The following LUZP2 variants were observed in gnomAD, a reference collection of about 807,000 sequenced individuals.
LUZP2 encodes leucine zipper protein 2.
Under a neutral mutation model 51.6 loss-of-function variants are expected in LUZP2, and 52 were observed. That is an observed-to-expected ratio of 1.01 (90% CI 0.81 to 1.27). The LOEUF is 1.27. Among genes scored for constraint, LUZP2 ranks in the 50% most tolerant of loss-of-function variants. The pLI is 0.00. For synonymous variants in LUZP2, 154 were observed against 137.3 expected (o/e 1.12, Z -0.85); for missense variants, 436 against 395.4 (o/e 1.10, Z -0.87).
chr11:24,618,832 T>A (rs1302624791), intron 1 of LUZP2, among the ~76,000 whole-genome samples: 2 of 152,098 alleles, frequency 1.3e-5, no homozygotes, highest in African/African-American at 4.8e-5. Context: ...GGAAACGGAA[T>A]ACGCCTAATT....
chr11:24,601,054 T>C (rs1853617702), intron 1 of LUZP2, among the ~76,000 whole-genome samples: 1 of 152,076 alleles, frequency 6.6e-6, no homozygotes, highest in Non-Finnish European at 1.5e-5. Context: ...ACCTTTCTCT[T>C]AGATGAAAAG....
At chr11:25,027,833 G>C (rs1565249677) in intron 9 of LUZP2, among the ~76,000 whole-genome samples, 1 of 148,232 alleles carries the variant, frequency 6.7e-6, no homozygotes, top group Non-Finnish European at 1.5e-5. Context: ...TCACGCCACT[G>C]CACTCCAGCC....
At position 24,715,309 on chromosome 11, in the gene LUZP2, A is replaced by G. The variant is rs866914538; in HGVS notation, c.63-13860A>G. 5.7e-3 allele frequency among the ~76,000 whole-genome samples: 146 copies of G among 25,516 alleles called. 2 individuals carry two copies. In the South Asian group the frequency reaches 0.077, roughly 13 times the overall value. 16.7% of individuals were successfully genotyped at this position (25,516 alleles called of 152,430 possible). On this transcript the variant is annotated intron_variant, in intron 1 of 11. Coordinates refer to ENST00000336930, the MANE Select transcript of LUZP2 (RefSeq NM_001009909.4). ...TGTGTGTGTGTGTGTGTGTGTGTGCATGCGTATTTCTAAATATATCTTGGT... is the reference window on the plus strand; with the variant it reads ...TGTGTGTGTGTGTGTGTGTGTGTGCGTGCGTATTTCTAAATATATCTTGGT...
intron 5 of LUZP2, among the ~76,000 whole-genome samples, chr11:24,877,774 T>C (rs1208003741): frequency 2.0e-5 from 3 of 152,266 alleles, no homozygotes; most frequent in Middle Eastern, 6.8e-3. Context: ...CTTCTCAGGC[T>C]GTGGTAAGCA....
rs1231096818 is a variant in LUZP2, at chr11:24,759,781, G to A, written c.334-3465G>A. Among the ~76,000 whole-genome samples, 15 of 152,248 alleles carry A rather than the reference G, an allele frequency of 9.9e-5. No individual in the cohort carries two copies. The East Asian group carries it at 1.7e-3, about 18-fold the overall frequency. ...GGGGATGCACTGTTACTCTGCATACGTGTTTAATTTTGAATGGGGTTAGGT... is the reference window on the plus strand; with the variant it reads ...GGGGATGCACTGTTACTCTGCATACATGTTTAATTTTGAATGGGGTTAGGT... On this transcript the variant is annotated intron_variant, in intron 4 of 11. Coordinates refer to ENST00000336930, the MANE Select transcript of LUZP2 (RefSeq NM_001009909.4).
intron 9 of LUZP2, among the ~76,000 whole-genome samples, chr11:25,007,115 G>A (rs1856852614): frequency 6.6e-6 from 1 of 152,104 alleles, no homozygotes; most frequent in African/African-American, 2.4e-5. Context: ...GCTGATTGGT[G>A]CATTTACAAA....
At chr11:24,989,785 A>G (rs1412557932) in intron 9 of LUZP2, among the ~76,000 whole-genome samples, 1 of 152,158 alleles carries the variant, frequency 6.6e-6, no homozygotes, top group Non-Finnish European at 1.5e-5. Context: ...TAAGCTAAAC[A>G]ATGTAAGGTT....
chr11:24,673,724 T>A (rs1856466499), intron 1 of LUZP2, among the ~76,000 whole-genome samples: 1 of 152,202 alleles, frequency 6.6e-6, no homozygotes, highest in Non-Finnish European at 1.5e-5. Flanking sequence ...GTCAGCTGCA[T>A]CAAAAATGAT....
intron 7 of LUZP2, among the ~76,000 whole-genome samples, chr11:24,961,563 T>C (rs1288253354): frequency 1.2e-4 from 18 of 152,120 alleles, no homozygotes; most frequent in Admixed American, 5.2e-4. Flanking sequence ...GAGACTAGGA[T>C]TGCAACCCCT....
intron 9 of LUZP2, among the ~76,000 whole-genome samples, chr11:24,996,120 G>A (rs548859885): frequency 7.9e-5 from 12 of 151,098 alleles, no homozygotes; most frequent in Non-Finnish European, 1.5e-4. Flanking sequence ...AACAAATTGT[G>A]TATCTGAGTT....
intron 5 of LUZP2, among the ~76,000 whole-genome samples, chr11:24,827,285 A>G (rs1025020732): frequency 6.6e-6 from 1 of 152,212 alleles, no homozygotes. Context: ...ATCCCTAGGA[A>G]CAAGGCATAT....
intron 5 of LUZP2, among the ~76,000 whole-genome samples, chr11:24,864,258 A>G (rs900439422): frequency 2.0e-5 from 3 of 152,182 alleles, no homozygotes; most frequent in African/African-American, 7.2e-5. Context: ...GTCTTCATCA[A>G]GGAGGATTAT....
At chr11:24,589,031 G>C (rs886587116) in intron 1 of LUZP2, among the ~76,000 whole-genome samples, 1 of 151,938 alleles carries the variant, frequency 6.6e-6, no homozygotes, top group Non-Finnish European at 1.5e-5. Context: ...TTATCAGTTT[G>C]GTAATTTATC....
At chr11:24,792,853 A>C (rs1849445005) in intron 5 of LUZP2, among the ~76,000 whole-genome samples, 1 of 152,144 alleles carries the variant, frequency 6.6e-6, no homozygotes, top group Non-Finnish European at 1.5e-5. Flanking sequence ...TTCCTGATTC[A>C]GCCAAAGATG....
At chr11:25,047,749 A>C (rs903595977) in intron 9 of LUZP2, among the ~76,000 whole-genome samples, 3 of 152,008 alleles carry the variant, frequency 2.0e-5, no homozygotes, top group Non-Finnish European at 4.4e-5. Context: ...ATTTTTGCCT[A>C]TGTACTGTTG....
chr11:24,997,101 C>A (rs919376378), intron 9 of LUZP2, among the ~76,000 whole-genome samples: 3 of 149,970 alleles, frequency 2.0e-5, no homozygotes, highest in Non-Finnish European at 4.4e-5. Context: ...GTCTTTATAG[C>A]AGCATGATTT....
chr11:24,786,523 G>T, intron 5 of LUZP2: 1 of 797,310 alleles, frequency 1.3e-6, no homozygotes, highest in Non-Finnish European at 1.5e-6. Flanking sequence ...GTGTATATTT[G>T]TATATACACA....
At chr11:24,932,298 C>CAG (rs1854477525) in intron 7 of LUZP2, among the ~76,000 whole-genome samples, 1 of 152,150 alleles carries the variant, frequency 6.6e-6, no homozygotes, top group Non-Finnish European at 1.5e-5. Flanking sequence ...AGGATACAAG[C>CAG]TTGCTGTAGG....
chr11:24,920,865 G>A (rs1854029844), intron 7 of LUZP2, among the ~76,000 whole-genome samples: 1 of 151,848 alleles, frequency 6.6e-6, no homozygotes, highest in Non-Finnish European at 1.5e-5. Context: ...TTGAGTGATG[G>A]ATACACTGAA....
Sources: gnomAD v4.1 joint callset for allele counts (sites outside exome capture counted in the v4.1 genomes callset) on GRCh38, gnomAD v4.1.1 for gene constraint, MANE v1.5 for transcripts, NCBI Gene and HGNC (gene_info 2026-07-23, HGNC 2026-07-21) for gene names.